COL11A1: variants seen among roughly 807,000 people sequenced by gnomAD.
COL11A1 encodes collagen type XI alpha 1 chain.
A neutral mutation model predicts 265.2 loss-of-function variants in COL11A1; 74 were observed. The ratio of observed to expected loss-of-function variants is 0.28; its 90% confidence interval spans 0.23 to 0.34. The LOEUF is 0.34. Ranked by LOEUF, COL11A1 falls within the 10% of genes least tolerant of loss-of-function variation. COL11A1 has a pLI of 1.00. For missense variants in COL11A1, 2,165 were observed against 2,263.6 expected (o/e 0.96, Z 0.88); for synonymous variants, 816 against 727.6 (o/e 1.12, Z -1.96).
At chr1:102,966,605 G>A (rs2101601860) in intron 37 of COL11A1, among the ~76,000 whole-genome samples, 1 of 152,168 alleles carries the variant, frequency 6.6e-6, no homozygotes, top group South Asian at 2.1e-4. Flanking sequence ...ATTTCTGGGG[G>A]GAAATGTCAT....
chr1:103,003,122 A>C, intron 21 of COL11A1, 93 bp downstream of exon 21: 3 of 1,271,356 alleles, frequency 2.4e-6, no homozygotes, highest in Non-Finnish European at 3.4e-6. Context: ...AAGGCAATAA[A>C]CTCTTGGCTC....
intron 54 of COL11A1, among the ~76,000 whole-genome samples, chr1:102,908,420 G>T (rs1654249359): frequency 6.6e-6 from 1 of 151,908 alleles, no homozygotes. Flanking sequence ...ATTCCTTTCT[G>T]ATTACACCTG....
intron 4 of COL11A1, among the ~76,000 whole-genome samples, chr1:103,065,577 A>C (rs1045678412): frequency 1.4e-4 from 19 of 139,084 alleles, no homozygotes; most frequent in African/African-American, 2.0e-4. Context: ...AACAAACAAA[A>C]AAAATAGCAA....
rs1570731696 is a variant in COL11A1, at chr1:102,920,284, C to T, written c.3762+27G>A. 12 of 1,603,096 alleles carry T rather than the reference C, an allele frequency of 7.5e-6. No homozygotes were observed. In the Middle Eastern group the frequency reaches 5.0e-4, roughly 66 times the overall value. On this transcript the variant is annotated intron_variant, in intron 49 of 66. Coordinates refer to ENST00000370096, the MANE Select transcript of COL11A1 (RefSeq NM_001854.4). ...TTACAGTTCTTAATTCATGCTGTTT[C>T]AAACTGTGTGTCACTAACATATTTA...
intron 39 of COL11A1, 137 bp downstream of exon 39, chr1:102,962,516 A>T: frequency 1.2e-6 from 1 of 837,186 alleles, no homozygotes; most frequent in Non-Finnish European, 2.0e-6. Context: ...ATCTTGGAGT[A>T]CAATAAACGC....
At chr1:102,931,482 A>T (rs1221770534) in intron 46 of COL11A1, among the ~76,000 whole-genome samples, 1 of 152,076 alleles carries the variant, frequency 6.6e-6, no homozygotes, top group African/African-American at 2.4e-5. Context: ...CTCTCTTCTT[A>T]TACATTTGCT....
Position 102,970,241 on chromosome 1 carries a change from T to C in COL11A1, c.2840A>G (p.His947Arg). The change falls in exon 37 of 67, where the codon CAC (histidine) becomes CGC (arginine). Residue 947 changes from histidine to arginine, a missense_variant. By Grantham distance (29) the His-to-Arg change is conservative (BLOSUM62 0). Coordinates refer to ENST00000370096, the MANE Select transcript of COL11A1 (RefSeq NM_001854.4). ...TACAGTCTCCCCACGTTGCCCAGGG[T>C]GTCCTGGCAGCCCATCCTTCCCAGG... The part of the protein sequence containing the change: ...GPPGKDGLPG[H>R]PGQRGETGFQ... 5.0e-6 allele frequency: 8 copies of C among 1,612,222 alleles called. No homozygotes were observed. The highest frequency in any genetic ancestry group is 6.8e-6 in the Non-Finnish European group (8 of 1,178,850).
chr1:103,006,069 T>C lies in COL11A1; in HGVS notation c.1790A>G (p.Lys597Arg). ...TATAAAAATATGTGAGCTCCTGACC[T>C]TTGCCCCAGGTTCTCCTGGCATTCC... Reference protein sequence around the residue: ...GRGMPGEPGAKGDRGFDGLPG... With the variant: ...GRGMPGEPGARGDRGFDGLPG... The change falls in exon 17 of 67, where the codon AAG becomes AGG. Residue 597 changes from lysine (K) to arginine (R), a missense_variant and splice_region_variant. Transcript: ENST00000370096. 1 of 1,613,948 alleles carries C rather than the reference T, an allele frequency of 6.2e-7. No homozygotes were observed. Among genetic ancestry groups the C allele is most frequent in the Non-Finnish European group, 8.5e-7 (1 of 1,179,932 alleles).
intron 31 of COL11A1, 33 bp downstream of exon 31, chr1:102,984,105 T>A (rs1402155126): frequency 6.9e-7 from 1 of 1,453,468 alleles, no homozygotes; most frequent in Non-Finnish European, 9.6e-7. Context: ...CTTCACGAAA[T>A]GTTAATAAAC....
chr1:103,038,136 C>G (rs954182792), intron 4 of COL11A1, among the ~76,000 whole-genome samples: 12 of 152,082 alleles, frequency 7.9e-5, no homozygotes, highest in African/African-American at 2.9e-4. Flanking sequence ...GCATCTTAAA[C>G]AAAACTTTTG....
At chr1:102,972,548 A>G (rs1030009607) in intron 36 of COL11A1, among the ~76,000 whole-genome samples, 1 of 152,156 alleles carries the variant, frequency 6.6e-6, no homozygotes, top group Non-Finnish European at 1.5e-5. Flanking sequence ...TTAGCCCTAA[A>G]TAAATATAAA....
chr1:102,987,773 G>T, intron 29 of COL11A1, 33 bp from the exon 30 acceptor site: 1 of 1,502,378 alleles, frequency 6.7e-7, no homozygotes, highest in Non-Finnish European at 9.3e-7. Flanking sequence ...TCTTATGAGT[G>T]AAACGTCCTT....
chr1:102,998,328 A>T lies in COL11A1; in HGVS notation c.2178T>A (p.Pro726=). 1 of 1,606,432 alleles carries T rather than the reference A, an allele frequency of 6.2e-7. No homozygotes were observed. The highest frequency in any genetic ancestry group is 8.5e-7 in the Non-Finnish European group (1 of 1,175,770). ...TACTTACAGGAGGCCCATCAGCACC[A>T]GGAAGTCCAGCAAGTCCTGGTTTTC... The part of the protein sequence containing the change: ...PQGKPGLAGL[P]GADGPPGHPG... The change falls in exon 25 of 67, where the codon CCT becomes CCA. Residue 726 remains proline (P), a synonymous_variant. Transcript: ENST00000370096.
intron 41 of COL11A1, among the ~76,000 whole-genome samples, chr1:102,949,423 C>G (rs1659650107): frequency 6.6e-6 from 1 of 152,034 alleles, no homozygotes; most frequent in Non-Finnish European, 1.5e-5. Flanking sequence ...AAATTTTTCT[C>G]TCTTTAATCC....
intron 10 of COL11A1, 81 bp from the exon 11 acceptor site, chr1:103,017,963 A>T: frequency 1.8e-6 from 2 of 1,102,802 alleles, no homozygotes; most frequent in Non-Finnish European, 2.8e-6. Flanking sequence ...CCTATCGAAG[A>T]GTTCGTTTAT....
Position 102,883,294 on chromosome 1 carries a change from G to T in COL11A1, c.4876C>A (p.Pro1626Thr). Residue 1626 changes from proline to threonine, a missense_variant, in exon 64 of 67, where the codon CCT (proline) becomes ACT (threonine). Physicochemically the swap from Pro to Thr is conservative, Grantham distance 38. Coordinates refer to ENST00000370096, the MANE Select transcript of COL11A1 (RefSeq NM_001854.4). ...DFPDGEYWID[P>T]NQGCSGDSFK... ...GAATCTCCTGAGCAACCTTGGTTAG[G>T]ATCAATCCAATATTCACCTAGAAGG... is the stretch of plus-strand genomic sequence containing the variant. The T allele has an allele frequency of 6.2e-7, 1 of 1,612,310 alleles. No homozygotes were observed. Among genetic ancestry groups the T allele is most frequent in the Non-Finnish European group, 8.5e-7 (1 of 1,178,680 alleles).
In COL11A1 at chr1:102,952,796, A is replaced by T. The variant is rs532190770; in HGVS notation, c.3169-5840T>A. On this transcript the variant is annotated intron_variant, in intron 41 of 66. Coordinates refer to ENST00000370096, the MANE Select transcript of COL11A1 (RefSeq NM_001854.4). The stretch of plus-strand genomic sequence containing the variant: ...TACCCATTAAGCAAATGACATAGCA[A>T]ACTTGCAAATCTTATTTAAATATTC... Among the ~76,000 whole-genome samples, 8 of 152,346 alleles carry T rather than the reference A, an allele frequency of 5.3e-5. No homozygotes were observed. In the South Asian group the frequency reaches 1.2e-3, roughly 24 times the overall value.
chr1:102,946,807 C>A (rs1659337366), intron 42 of COL11A1, 42 bp downstream of exon 42: 1 of 1,450,804 alleles, frequency 6.9e-7, no homozygotes, highest in East Asian at 2.3e-5. Context: ...ATAACGTGTA[C>A]AGGGTAGCAG....
intron 62 of COL11A1, among the ~76,000 whole-genome samples, chr1:102,887,583 C>A (rs12023984): frequency 0.49 from 74,349 of 151,898 alleles, 21,790 homozygotes; most frequent in East Asian, 0.67. Context: ...CAATGCAACC[C>A]GACTTGAATT....
Sources: allele counts gnomAD v4.1 joint callset (sites outside exome capture counted in the v4.1 genomes callset), GRCh38; gene constraint gnomAD v4.1.1; transcripts MANE v1.5; gene names NCBI Gene and HGNC (gene_info 2026-07-23, HGNC 2026-07-21).